The following APPBP2 variants were observed in gnomAD, a reference collection of about 807,000 sequenced individuals.
The protein encoded by APPBP2 is amyloid beta precursor protein binding protein 2, also known as amyloid protein-binding protein 2.
In APPBP2, 15 loss-of-function variants were observed where a neutral mutation model predicts 76.0. The observed-to-expected ratio is 0.20, with a 90% CI of 0.13 to 0.30. The LOEUF is 0.30. Among genes scored for constraint, APPBP2 ranks in the 10% least tolerant of loss-of-function variants. The pLI, the probability that APPBP2 is intolerant of heterozygous loss-of-function variation, is 1.00. For missense variants in APPBP2, 401 were observed against 687.2 expected, an observed-to-expected ratio of 0.58 and a Z score of 4.66; for synonymous variants, 222 against 242.2, an observed-to-expected ratio of 0.92 and a Z score of 0.77.
chr17:60,443,261 T>C lies in APPBP2; in HGVS notation c.*4320A>G, dbSNP rs939382893. 1.3e-5 allele frequency: 2 copies of C among 152,664 alleles called. No homozygotes were observed. The highest frequency in any genetic ancestry group is 2.9e-5 in the Non-Finnish European group (2 of 68,046). The allele number at this position is 152,664 out of a possible 1,614,324, so 9.5% of individuals were successfully genotyped here. On this transcript the variant is annotated 3_prime_UTR_variant, in exon 13 of 13. Coordinates refer to ENST00000083182, the MANE Select transcript of APPBP2 (RefSeq NM_006380.5). ...AAACATACTTAGTATGGTTTAATAG[T>C]TACAAATAACGGTGGGCACTACAAG...
chr17:60,520,200 C>G (rs1369275180), intron 1 of APPBP2, among the ~76,000 whole-genome samples: 1 of 152,030 alleles, frequency 6.6e-6, no homozygotes, highest in Non-Finnish European at 1.5e-5. Flanking sequence ...AAATCAGAAC[C>G]TAATTAGTAT....
chr17:60,510,295 T>C (rs2090901481), intron 1 of APPBP2, among the ~76,000 whole-genome samples: 1 of 152,062 alleles, frequency 6.6e-6, no homozygotes, highest in Admixed American at 6.6e-5. Context: ...CTGAACTACT[T>C]GGGTGGCTGA....
intron 1 of APPBP2, among the ~76,000 whole-genome samples, chr17:60,518,399 G>A (rs1446835916): frequency 2.0e-5 from 2 of 100,974 alleles, no homozygotes; most frequent in Non-Finnish European, 2.1e-5. Flanking sequence ...GTGTGTGTGT[G>A]TAAGAGAGAG....
rs538096620 is a variant in APPBP2, at chr17:60,513,003, C to T, written c.139-12516G>A. On this transcript the variant is annotated intron_variant, in intron 1 of 12. Coordinates refer to ENST00000083182, the MANE Select transcript of APPBP2 (RefSeq NM_006380.5). ...CCCTGGGAGCCTATTCAAAAGGGAACGCTACATGGTCGCATCTTGGCGTGA... is the reference window on the plus strand; with the variant it reads ...CCCTGGGAGCCTATTCAAAAGGGAATGCTACATGGTCGCATCTTGGCGTGA... Among the ~76,000 whole-genome samples the T allele has an allele frequency of 2.9e-4, 41 of 139,712 alleles. No homozygotes were observed. The South Asian group carries it at 5.9e-3, about 20-fold the overall frequency. The allele number at this position is 139,712 out of a possible 152,430, so 91.7% of individuals were successfully genotyped here. A position where few individuals can be genotyped will look rare whatever the true frequency, so the allele number is the denominator to read the frequency against.
chr17:60,497,217 C>T (rs2090783153), intron 2 of APPBP2, among the ~76,000 whole-genome samples: 1 of 152,094 alleles, frequency 6.6e-6, no homozygotes, highest in African/African-American at 2.4e-5. Flanking sequence ...ACGGATGGAA[C>T]TGTATGGTAA....
At chr17:60,501,964 C>T (rs143589084) in intron 1 of APPBP2, among the ~76,000 whole-genome samples, 227 of 152,146 alleles carry the variant, frequency 1.5e-3, no homozygotes, top group African/African-American at 5.2e-3. Context: ...CACATGCTCA[C>T]GAAGGAAAGG....
intron 1 of APPBP2, 134 bp downstream of exon 1, chr17:60,525,660 A>C (rs1362207034): frequency 7.3e-7 from 1 of 1,369,628 alleles, no homozygotes; most frequent in Non-Finnish European, 9.9e-7. Context: ...CAATGCAGAC[A>C]CCGCACCAGA....
intron 8 of APPBP2, chr17:60,461,002 T>A (rs931401115): frequency 9.0e-5 from 23 of 255,974 alleles, no homozygotes; most frequent in Non-Finnish European, 1.4e-4. Context: ...CACGGCTTAA[T>A]AATAATAATA....
At chr17:60,486,968 G>T (rs1022276647) in intron 3 of APPBP2, among the ~76,000 whole-genome samples, 4 of 152,130 alleles carry the variant, frequency 2.6e-5, no homozygotes, top group African/African-American at 9.7e-5. Flanking sequence ...AGTTTGGCTG[G>T]ATATGAAATT....
intron 3 of APPBP2, among the ~76,000 whole-genome samples, chr17:60,490,017 A>G (rs1165263201): frequency 2.0e-5 from 3 of 151,682 alleles, no homozygotes; most frequent in Non-Finnish European, 1.5e-5. Flanking sequence ...CCTGGGTGAT[A>G]GAGTGAGACT....
intron 1 of APPBP2, among the ~76,000 whole-genome samples, chr17:60,505,730 A>G (rs2090862947): frequency 9.4e-6 from 1 of 106,482 alleles, no homozygotes; most frequent in Non-Finnish European, 1.7e-5. Flanking sequence ...CTTGTTGCCC[A>G]GGCTAGAGTG....
intron 1 of APPBP2, among the ~76,000 whole-genome samples, chr17:60,512,474 C>T (rs565721379): frequency 6.0e-4 from 91 of 152,026 alleles, no homozygotes; most frequent in South Asian, 1.5e-3. Context: ...AATTATCTTA[C>T]TGCTATAGTT....
intron 4 of APPBP2, among the ~76,000 whole-genome samples, chr17:60,469,150 C>T (rs556575930): frequency 1.3e-5 from 2 of 151,702 alleles, no homozygotes; most frequent in African/African-American, 2.4e-5. Flanking sequence ...ACACGATCCC[C>T]GTCTCTACTA....
intron 1 of APPBP2, among the ~76,000 whole-genome samples, chr17:60,518,715 G>A (rs1462084092): frequency 6.6e-6 from 1 of 152,080 alleles, no homozygotes; most frequent in Non-Finnish European, 1.5e-5. Flanking sequence ...TGTTGCCCAG[G>A]CAGGTCTAGA....
chr17:60,448,356 G>A (rs1317732884), intron 12 of APPBP2, among the ~76,000 whole-genome samples: 2 of 152,158 alleles, frequency 1.3e-5, no homozygotes, highest in Admixed American at 6.5e-5. Context: ...CCAGCTACTC[G>A]AGAGGCTGAG....
At chr17:60,515,863 C>G (rs1298872810) in intron 1 of APPBP2, among the ~76,000 whole-genome samples, 3 of 152,008 alleles carry the variant, frequency 2.0e-5, no homozygotes, top group African/African-American at 7.2e-5. Flanking sequence ...TATAAAAAGT[C>G]AATAAGGAAC....
chr17:60,500,356 T>G, intron 2 of APPBP2, 43 bp downstream of exon 2: 1 of 1,351,360 alleles, frequency 7.4e-7, no homozygotes, highest in East Asian at 2.4e-5. Context: ...AATGGTAAAT[T>G]TTATGTTATG....
At chr17:60,481,633 C>T (rs1304695312) in intron 3 of APPBP2, among the ~76,000 whole-genome samples, 1 of 152,094 alleles carries the variant, frequency 6.6e-6, no homozygotes, top group African/African-American at 2.4e-5. Context: ...GTAATATTGA[C>T]CCTAGAATTC....
intron 1 of APPBP2, among the ~76,000 whole-genome samples, chr17:60,517,019 A>G (rs2090968758): frequency 6.6e-6 from 1 of 152,250 alleles, no homozygotes; most frequent in African/African-American, 2.4e-5. Flanking sequence ...TGTGTCGCCC[A>G]GCCTGGAGTG....
Sources: allele counts gnomAD v4.1 joint callset (sites outside exome capture counted in the v4.1 genomes callset), GRCh38; gene constraint gnomAD v4.1.1; transcripts MANE v1.5; gene names NCBI Gene and HGNC (gene_info 2026-07-23, HGNC 2026-07-21).